NRXN3: variants seen among roughly 807,000 people sequenced by gnomAD.
NRXN3 encodes neurexin 3.
Under a neutral mutation model 137.6 loss-of-function variants are expected in NRXN3, and 32 were observed. The observed-to-expected ratio is 0.23, with a 90% CI of 0.18 to 0.31. The LOEUF (loss-of-function observed/expected upper bound fraction) is 0.31. Ranked by LOEUF, NRXN3 falls within the 10% of genes least tolerant of loss-of-function variation. The pLI, the probability that NRXN3 is intolerant of heterozygous loss-of-function variation, is 1.00. For synonymous variants in NRXN3, 798 were observed against 784.5 expected (o/e 1.02, Z -0.29); for missense variants, 1,574 against 2,062.5 (o/e 0.76, Z 4.59).
chr14:78,987,019 CAAAAA>C (rs36081362), intron 14 of NRXN3, among the ~76,000 whole-genome samples: 9 of 54,114 alleles, frequency 1.7e-4, no homozygotes, highest in East Asian at 5.4e-4. Context: ...GAGACTGTCT[CAAAAA>C]AAAAAAAAAA....
chr14:78,314,699 C>T (rs150165050), intron 4 of NRXN3, among the ~76,000 whole-genome samples: 205 of 152,170 alleles, frequency 1.3e-3, no homozygotes, highest in African/African-American at 4.8e-3. Flanking sequence ...AGTCTCTGCC[C>T]CAGTGGATGA....
chr14:78,338,709 A>G (rs925318544), intron 4 of NRXN3, among the ~76,000 whole-genome samples: 1 of 152,228 alleles, frequency 6.6e-6, no homozygotes, highest in Non-Finnish European at 1.5e-5. Context: ...TTCGTGATTC[A>G]GTGGGTTGAC....
intron 8 of NRXN3, among the ~76,000 whole-genome samples, chr14:78,742,770 A>T (rs1429838647): frequency 6.6e-6 from 1 of 152,212 alleles, no homozygotes; most frequent in Admixed American, 6.5e-5. Flanking sequence ...TTTGTATGTA[A>T]ATAAAAGTTT....
intron 15 of NRXN3, among the ~76,000 whole-genome samples, chr14:79,418,273 C>T (rs1250567038): frequency 6.6e-6 from 1 of 151,994 alleles, no homozygotes; most frequent in East Asian, 1.9e-4. Context: ...AATTATAAGT[C>T]TATAATTACC....
At chr14:79,030,004 G>A (rs1435386141) in intron 15 of NRXN3, among the ~76,000 whole-genome samples, 2 of 149,294 alleles carry the variant, frequency 1.3e-5, no homozygotes, top group East Asian at 4.0e-4. Flanking sequence ...TGACCACTGT[G>A]CCCGTCTAAT....
chr14:79,566,235 A>G lies in NRXN3; in HGVS notation c.3445-97543A>G, dbSNP rs545282332. On this transcript the variant is annotated intron_variant, in intron 16 of 20. Transcript: ENST00000335750. ...TCAGTGGAGCAAATTTCCTTATTTC[A>G]TGTAAGATGTGAGCCAAAACTCTCC... 4.8e-4 allele frequency among the ~76,000 whole-genome samples: 71 copies of G among 149,106 alleles called. 1 individual carries two copies. The highest frequency in any genetic ancestry group is 9.2e-4 in the Non-Finnish European group (62 of 67,708).
chr14:78,330,949 T>C (rs73312600), intron 4 of NRXN3, among the ~76,000 whole-genome samples: 49 of 152,334 alleles, frequency 3.2e-4, no homozygotes, highest in African/African-American at 1.2e-3. Context: ...TCAGTACATT[T>C]CCTAACATTT....
At chr14:79,189,766 A>G (rs2064031457) in intron 15 of NRXN3, among the ~76,000 whole-genome samples, 1 of 152,172 alleles carries the variant, frequency 6.6e-6, no homozygotes, top group African/African-American at 2.4e-5. Flanking sequence ...GGTGAGTGCA[A>G]TCCTACATTA....
At chr14:79,205,398 G>A (rs1423140891) in intron 15 of NRXN3, among the ~76,000 whole-genome samples, 1 of 152,132 alleles carries the variant, frequency 6.6e-6, no homozygotes, top group Non-Finnish European at 1.5e-5. Context: ...ATGACTAGAG[G>A]TCTACAAGAG....
chr14:79,160,381 A>G (rs2060644320), intron 15 of NRXN3, among the ~76,000 whole-genome samples: 1 of 151,878 alleles, frequency 6.6e-6, no homozygotes, highest in Admixed American at 6.6e-5. Context: ...GCCTCTTGTA[A>G]TTTAGCACAT....
intron 10 of NRXN3, among the ~76,000 whole-genome samples, chr14:78,854,658 T>C (rs1181803221): frequency 1.3e-5 from 2 of 152,224 alleles, no homozygotes; most frequent in African/African-American, 4.8e-5. Flanking sequence ...TTCAAGGTCA[T>C]ACAGCTACTA....
At chr14:79,701,255 A>G (rs1162998649) in intron 19 of NRXN3, among the ~76,000 whole-genome samples, 2 of 152,084 alleles carry the variant, frequency 1.3e-5, no homozygotes, top group Non-Finnish European at 2.9e-5. Context: ...AAGTCATGTA[A>G]GTTCTAGTTA....
intron 16 of NRXN3, among the ~76,000 whole-genome samples, chr14:79,580,531 G>C (rs1467326607): frequency 6.6e-6 from 1 of 151,802 alleles, no homozygotes; most frequent in Non-Finnish European, 1.5e-5. Context: ...TTCTGAGGAA[G>C]GGCTGGGACT....
intron 8 of NRXN3, among the ~76,000 whole-genome samples, chr14:78,762,193 T>C (rs2098694583): frequency 1.3e-5 from 2 of 152,228 alleles, no homozygotes; most frequent in Non-Finnish European, 2.9e-5. Flanking sequence ...GAACCTGTCT[T>C]CTTAGGAAAT....
intron 15 of NRXN3, among the ~76,000 whole-genome samples, chr14:79,304,331 T>C (rs1164000610): frequency 6.6e-6 from 1 of 151,958 alleles, no homozygotes; most frequent in African/African-American, 2.4e-5. Context: ...GTCTAAGAGG[T>C]TGTGGTGTAA....
intron 19 of NRXN3, among the ~76,000 whole-genome samples, chr14:79,772,474 A>G (rs905729100): frequency 6.6e-6 from 1 of 152,142 alleles, no homozygotes; most frequent in Non-Finnish European, 1.5e-5. Flanking sequence ...ATAATGCCGC[A>G]TATCTACAAC....
intron 17 of NRXN3, among the ~76,000 whole-genome samples, chr14:79,683,506 G>T (rs1376326910): frequency 1.3e-5 from 2 of 152,168 alleles, no homozygotes; most frequent in East Asian, 3.8e-4. Context: ...AAAGAGACCT[G>T]CCTGTGTTCC....
Position 78,492,049 on chromosome 14 carries a change from T to C in NRXN3, c.758-153071T>C, listed in dbSNP as rs533279444. 6.6e-5 allele frequency among the ~76,000 whole-genome samples: 10 copies of C among 152,302 alleles called. No individual in the cohort carries two copies. In the South Asian group the frequency reaches 2.1e-3, roughly 32 times the overall value. ...AGTTACTTAGCTCTCTTAGCCTCTG[T>C]TTCCTCATGAGTCAAAACTGGGAAT... On this transcript the variant is annotated intron_variant, in intron 4 of 20. Transcript: ENST00000335750.
At chr14:79,811,017 A>C (rs2099230550) in intron 20 of NRXN3, among the ~76,000 whole-genome samples, 1 of 152,224 alleles carries the variant, frequency 6.6e-6, no homozygotes, top group African/African-American at 2.4e-5. Context: ...CAAATAAGTC[A>C]ATTTTATTTA....
Sources: allele counts gnomAD v4.1 joint callset (sites outside exome capture counted in the v4.1 genomes callset), GRCh38; gene constraint gnomAD v4.1.1; transcripts MANE v1.5; gene names NCBI Gene and HGNC (gene_info 2026-07-23, HGNC 2026-07-21).